Variants in PHLDB1 observed in about 807,000 individuals in gnomAD.
PHLDB1 encodes pleckstrin homology like domain family B member 1.
In PHLDB1, 65 loss-of-function variants were observed where a neutral mutation model predicts 139.3. The ratio of observed to expected loss-of-function variants is 0.47; its 90% CI spans 0.38 to 0.57. PHLDB1 has a LOEUF of 0.57. Ranked by LOEUF, PHLDB1 falls within the 20% of genes least tolerant of loss-of-function variation. The pLI is 0.00. For synonymous variants in PHLDB1, 679 were observed against 734.5 expected, an observed-to-expected ratio of 0.92 and a Z score of 1.22; for missense variants, 1,624 against 1,839.7, an observed-to-expected ratio of 0.88 and a Z score of 2.14.
At chr11:118,644,482 G>C in intron 15 of PHLDB1, 1 of 457,446 alleles carries the variant, frequency 2.2e-6, no homozygotes, top group Non-Finnish European at 4.0e-6. Flanking sequence ...GGATGGATTT[G>C]ATGACTTCTA....
At chr11:118,613,923 A>G (rs1173019255) in intron 2 of PHLDB1, 27 bp downstream of exon 2, 8 of 1,428,372 alleles carry the variant, frequency 5.6e-6, no homozygotes, top group Non-Finnish European at 7.9e-6. Flanking sequence ...CTGTGAGGCA[A>G]GAGAGATATA....
In PHLDB1 at chr11:118,627,650, A is replaced by G; in HGVS notation, c.827A>G (p.Glu276Gly). The change falls in exon 6 of 23, where the codon GAG (glutamate) becomes GGG (glycine). Residue 276 changes from glutamate to glycine, a missense_variant. Glu to Gly is a moderately conservative substitution (Grantham distance 98). Coordinates refer to ENST00000600882, the MANE Select transcript of PHLDB1 (RefSeq NM_001144758.3). ...SCASHSPSGQ[E>G]PGPSVPPLVP... ...GCCAGTCACTCACCCAGTGGGCAAGAGCCAGGACCTTCTGTGCCCCCGCTG... is the reference window on the plus strand; with the variant it reads ...GCCAGTCACTCACCCAGTGGGCAAGGGCCAGGACCTTCTGTGCCCCCGCTG... The G allele has an allele frequency of 6.2e-7, 1 of 1,612,178 alleles. No individual in the cohort carries two copies.
intron 1 of PHLDB1, 62 bp from the exon 2 acceptor site, chr11:118,613,754 C>G (rs1399422088): frequency 1.0e-6 from 1 of 1,002,400 alleles, no homozygotes; most frequent in Non-Finnish European, 1.6e-6. Flanking sequence ...TGCCACAGAA[C>G]CTACTTCTTT....
rs200360488 is a variant in PHLDB1, at chr11:118,643,940, G to T, written c.3018G>T (p.Lys1006Asn). Residue 1006 changes from lysine to asparagine, a missense_variant and splice_region_variant, in exon 14 of 23, where the codon AAG (lysine) becomes AAT (asparagine). Coordinates refer to ENST00000600882, the MANE Select transcript of PHLDB1 (RefSeq NM_001144758.3). ...VATLGRSPSP[K>N]SALLTQNGTG... ...CCCTGGGGCGTAGCCCCTCCCCAAA[G>T]GTCTGAGGACAGTGGGTGGGGCTGC... 6.3e-7 allele frequency: 1 copy of T among 1,596,696 alleles called. No homozygotes were observed. Among genetic ancestry groups the T allele is most frequent in the East Asian group, 2.2e-5 (1 of 44,810 alleles).
upstream of PHLDB1, among the ~76,000 whole-genome samples, chr11:118,606,925 T>C (rs1939328109): frequency 6.6e-6 from 1 of 152,178 alleles, no homozygotes; most frequent in Non-Finnish European, 1.5e-5. Context: ...GATAATTCCA[T>C]TCGGTTTTCC....
rs868906931 is a variant in PHLDB1 at position 118,641,841 on chromosome 11, G to A, written c.2737-413G>A. The A allele has an allele frequency of 6.3e-5, 77 of 1,231,540 alleles. 1 individual carries two copies. The African/African-American group carries it at 1.1e-3, about 18-fold the overall frequency. 76.3% of individuals were successfully genotyped at this position (1,231,540 alleles called of 1,614,324 possible). On this transcript the variant is annotated intron_variant, in intron 12 of 22. Coordinates refer to ENST00000600882, the MANE Select transcript of PHLDB1 (RefSeq NM_001144758.3). ...CCCATGACTGGTGTGCTCTGTGTGTGTTTTGCTCCTGCTCACCTGGCCTCT... is the reference window on the plus strand; with the variant it reads ...CCCATGACTGGTGTGCTCTGTGTGTATTTTGCTCCTGCTCACCTGGCCTCT...
Position 118,656,726 on chromosome 11 carries a change from G to A in PHLDB1, c.4037G>A (p.Arg1346Gln), listed in dbSNP as rs782723020. The change falls in exon 23 of 23, where the codon CGG becomes CAG. Residue 1346 changes from arginine to glutamine, a missense_variant. Transcript: ENST00000600882. ...ALTFCVKTHD[R>Q]LYYMVAPSAE... Reference sequence around the variant, plus strand: ...ACCTTCTGCGTAAAGACCCATGACCGGCTGTACTACATGGTGGCCCCATCT... The same window carrying A: ...ACCTTCTGCGTAAAGACCCATGACCAGCTGTACTACATGGTGGCCCCATCT... The A allele has an allele frequency of 6.8e-6, 11 of 1,613,974 alleles. No homozygotes were observed. Among genetic ancestry groups the A allele is most frequent in the South Asian group, 6.6e-5 (6 of 91,080 alleles).
At chr11:118,646,308 T>G (rs1555128822) in intron 17 of PHLDB1, 1 of 152,102 alleles carries the variant, frequency 6.6e-6, no homozygotes, top group Non-Finnish European at 1.4e-5. Flanking sequence ...TCAAACAGGC[T>G]TAGGGAGGCT....
At position 118,610,574 on chromosome 11, in the gene PHLDB1, C is replaced by A; in HGVS notation, c.-22+2875C>A. ...GCTCCGGGGAGCGCCCGAGCAGTGGCCCCGCGAAGGGCCGGGTCTGGTGCT... is the reference window on the plus strand; with the variant it reads ...GCTCCGGGGAGCGCCCGAGCAGTGGACCCGCGAAGGGCCGGGTCTGGTGCT... On this transcript the variant is annotated intron_variant, in intron 1 of 22. Coordinates refer to ENST00000600882, the MANE Select transcript of PHLDB1 (RefSeq NM_001144758.3). The surrounding 1 kb of genome is among the most constrained non-coding windows in gnomAD (Gnocchi z 8.7). 1 of 702,252 alleles carries A rather than the reference C, an allele frequency of 1.4e-6. No homozygotes were observed. Among genetic ancestry groups the A allele is most frequent in the Non-Finnish European group, 1.8e-6 (1 of 570,804 alleles). The allele number at this position is 702,252 out of a possible 1,614,324, so 43.5% of individuals were successfully genotyped here.
intron 13 of PHLDB1, 124 bp from the exon 14 acceptor site, chr11:118,643,676 A>G: frequency 1.3e-6 from 2 of 1,557,568 alleles, no homozygotes; most frequent in South Asian, 1.2e-5. Context: ...GCTTGTTGTC[A>G]GAGCCAGAAG....
chr11:118,619,129 G>A (rs1555092293), intron 4 of PHLDB1, among the ~76,000 whole-genome samples: 1 of 152,136 alleles, frequency 6.6e-6, no homozygotes, highest in Admixed American at 6.5e-5. Flanking sequence ...GGTCTAGGCT[G>A]CCCCACCCTG....
At position 118,620,650 on chromosome 11, in the gene PHLDB1, G is replaced by A. The variant is rs1942592440; in HGVS notation, c.356-4284G>A. Among the ~76,000 whole-genome samples, 1 of 152,194 alleles carries A rather than the reference G, an allele frequency of 6.6e-6. No individual in the cohort carries two copies. Among genetic ancestry groups the A allele is most frequent in the South Asian group, 2.1e-4 (1 of 4,830 alleles). Reference sequence around the variant, plus strand: ...AGCACAACTGGATGTTGTGGCTGGGGTGCGGGCTGGCTCCCAGGGGCCCAG... The same window carrying A: ...AGCACAACTGGATGTTGTGGCTGGGATGCGGGCTGGCTCCCAGGGGCCCAG... On this transcript the variant is annotated intron_variant, in intron 4 of 22. Transcript: ENST00000600882. This position sits in a 1 kb window ranked among gnomAD's most constrained non-coding sequence, Gnocchi z 4.1.
At chr11:118,639,340 G>GGGGTGAA in intron 12 of PHLDB1, 89 bp downstream of exon 12, 1 of 904,954 alleles carries the variant, frequency 1.1e-6, no homozygotes, top group Non-Finnish European at 1.9e-6. Flanking sequence ...CCCAGTAGCT[G>GGGGTGAA]AGGTTGTGTG....
rs1940114168 is a variant in PHLDB1, at chr11:118,610,964, G to C, written c.-21-2852G>C. 6.6e-6 allele frequency among the ~76,000 whole-genome samples: 1 copy of C among 152,174 alleles called. No individual in the cohort carries two copies. The highest frequency in any genetic ancestry group is 2.1e-4 in the South Asian group (1 of 4,832). On this transcript the variant is annotated intron_variant, in intron 1 of 22. Coordinates refer to ENST00000600882, the MANE Select transcript of PHLDB1 (RefSeq NM_001144758.3). This position sits in a 1 kb window ranked among gnomAD's most constrained non-coding sequence, Gnocchi z 8.7. Reference sequence around the variant, plus strand: ...GGGCGTCTGTACCCAGCGTGCGGGAGGGCACCCAGGGCCGGACGCGCACCG... The same window carrying C: ...GGGCGTCTGTACCCAGCGTGCGGGACGGCACCCAGGGCCGGACGCGCACCG...
intron 10 of PHLDB1, chr11:118,637,983 G>A (rs181467683): frequency 6.6e-6 from 1 of 152,306 alleles, no homozygotes. Flanking sequence ...AATAAAGGCA[G>A]ATGGTGATAC....
In PHLDB1 at chr11:118,645,260, C is replaced by G; in HGVS notation, c.3122-96C>G. ...AGGGGGCTGCTCTGTGTTAACCTCT[C>G]CCTGCTTGCCCCTCCCTCTGTGTGT... On this transcript the variant is annotated intron_variant, in intron 15 of 22. Coordinates refer to ENST00000600882, the MANE Select transcript of PHLDB1 (RefSeq NM_001144758.3). The surrounding 1 kb of genome is among the most constrained non-coding windows in gnomAD (Gnocchi z 5.1). 1.1e-6 allele frequency: 1 copy of G among 930,878 alleles called. No individual in the cohort carries two copies. Among genetic ancestry groups the G allele is most frequent in the Non-Finnish European group, 1.6e-6 (1 of 633,546 alleles). 57.7% of individuals were successfully genotyped at this position (930,878 alleles called of 1,614,324 possible). A position where few individuals can be genotyped will look rare whatever the true frequency, so the allele number is the denominator to read the frequency against.
intron 4 of PHLDB1, among the ~76,000 whole-genome samples, chr11:118,623,917 T>TGAGAGA (rs60228799): frequency 1.4e-5 from 2 of 144,296 alleles, no homozygotes; most frequent in Non-Finnish European, 3.0e-5. Context: ...TGTGTGTGTG[T>TGAGAGA]GAGACGGAGT....
chr11:118,607,878 CG>C (rs1565373586), intron 1 of PHLDB1, among the ~76,000 whole-genome samples, 179 bp downstream of exon 1: 1 of 152,044 alleles, frequency 6.6e-6, no homozygotes, highest in African/African-American at 2.4e-5. Context: ...GCGAAAGGAG[CG>C]TTATGGGGAG....
intron 9 of PHLDB1, chr11:118,633,178 A>C (rs1945086235): frequency 6.6e-6 from 1 of 152,328 alleles, no homozygotes; most frequent in Non-Finnish European, 1.5e-5. Flanking sequence ...CCGCTTTTGC[A>C]CTAACTCAGT....
Sources: gnomAD v4.1 joint callset for allele counts (sites outside exome capture counted in the v4.1 genomes callset) on GRCh38, gnomAD v4.1.1 for gene constraint, Gnocchi (gnomAD v3.1) non-coding constraint, MANE v1.5 for transcripts, NCBI Gene and HGNC (gene_info 2026-07-23, HGNC 2026-07-21) for gene names.